The following PKIB variants were observed in gnomAD, a reference collection of about 807,000 sequenced individuals.
PKIB encodes PKI-beta.
Under a neutral mutation model 4.5 loss-of-function variants are expected in PKIB, and 2 were observed. That is an observed-to-expected ratio of 0.44 (90% CI 0.18 to 1.39). PKIB has a LOEUF of 1.39. Ranked by LOEUF, PKIB falls within the 40% of genes most tolerant of loss-of-function variation. PKIB has a pLI of 0.27. For missense variants in PKIB, 94 were observed against 92.6 expected, an observed-to-expected ratio of 1.02 and a Z score of -0.06; for synonymous variants, 38 against 36.0, an observed-to-expected ratio of 1.06 and a Z score of -0.20.
At chr6:122,647,319 T>G (rs972057659) in intron 2 of PKIB, among the ~76,000 whole-genome samples, 3 of 152,216 alleles carry the variant, frequency 2.0e-5, no homozygotes, top group Admixed American at 6.5e-5. Context: ...ATTAGTCACA[T>G]TTATAAAATT....
intron 3 of PKIB, among the ~76,000 whole-genome samples, chr6:122,591,014 C>T (rs1256279524): frequency 1.3e-5 from 2 of 151,178 alleles, no homozygotes; most frequent in Non-Finnish European, 2.9e-5. Flanking sequence ...CGAGTTTTGC[C>T]TTTTTTTAAA....
chr6:122,566,166 T>G (rs547012764), intron 2 of PKIB, among the ~76,000 whole-genome samples: 1 of 152,240 alleles, frequency 6.6e-6, no homozygotes, highest in South Asian at 2.1e-4. Flanking sequence ...TGGGTCACCC[T>G]TGAAGATGAG....
intron 2 of PKIB, among the ~76,000 whole-genome samples, chr6:122,530,898 A>G (rs1777236194): frequency 1.3e-5 from 2 of 152,168 alleles, no homozygotes; most frequent in Admixed American, 1.3e-4. Flanking sequence ...AAATGCTGCA[A>G]ATTTCCTTAC....
chr6:122,622,414 T>C (rs1314364352), intron 1 of PKIB, among the ~76,000 whole-genome samples: 1 of 152,166 alleles, frequency 6.6e-6, no homozygotes. Context: ...AAATGAAGGA[T>C]ACATTCAAGG....
chr6:122,515,894 T>G (rs1489232333), intron 2 of PKIB, among the ~76,000 whole-genome samples: 1 of 152,142 alleles, frequency 6.6e-6, no homozygotes, highest in Non-Finnish European at 1.5e-5. Flanking sequence ...TTTTGTATTT[T>G]GGTAGAGACA....
At chr6:122,623,407 T>C (rs1775315111) in intron 1 of PKIB, among the ~76,000 whole-genome samples, 1 of 152,214 alleles carries the variant, frequency 6.6e-6, no homozygotes, top group African/African-American at 2.4e-5. Context: ...CATCAGTATG[T>C]TGAAGTAATG....
intron 3 of PKIB, among the ~76,000 whole-genome samples, chr6:122,592,408 A>G (rs1774044799): frequency 6.6e-6 from 1 of 152,200 alleles, no homozygotes; most frequent in Non-Finnish European, 1.5e-5. Context: ...ATCTTAAGTT[A>G]GGGTTTGAGT....
Position 122,583,337 on chromosome 6 carries a change from T to C in PKIB, c.-247-2584T>C, listed in dbSNP as rs193192833. ...TGCCCAAGCATTTCTAGGGAAGGAC[T>C]TATACATTCTTAATAGCAATTTTAA... On this transcript the variant is annotated intron_variant, in intron 2 of 6. Coordinates refer to the PKIB transcript ENST00000392491. Among the ~76,000 whole-genome samples, 49 of 152,210 alleles carry C rather than the reference T, an allele frequency of 3.2e-4. No individual in the cohort carries two copies. In the East Asian group the frequency reaches 8.5e-3, roughly 26 times the overall value.
At chr6:122,698,763 A>C (rs916406786) in intron 3 of PKIB, among the ~76,000 whole-genome samples, 3 of 152,182 alleles carry the variant, frequency 2.0e-5, no homozygotes, top group African/African-American at 7.2e-5. Context: ...AGTGAAATTA[A>C]AGAAAATTTG....
chr6:122,712,187 C>T lies in PKIB; in HGVS notation c.-8-5600C>T, dbSNP rs186887060. ...ATTTCCAAATAATAGGATTTGAGGT[C>T]AAGAAAGGTAACTAGAAAGATCAAA... On this transcript the variant is annotated intron_variant, in intron 3 of 4. Coordinates refer to ENST00000368452, the MANE Select transcript of PKIB (RefSeq NM_181795.3). 9.9e-5 allele frequency among the ~76,000 whole-genome samples: 15 copies of T among 152,190 alleles called. No homozygotes were observed. The East Asian group carries it at 2.9e-3, about 29-fold the overall frequency.
chr6:122,641,000 T>G (rs1030732287), intron 2 of PKIB, among the ~76,000 whole-genome samples: 4 of 152,130 alleles, frequency 2.6e-5, no homozygotes, highest in Non-Finnish European at 4.4e-5. Flanking sequence ...ATTTCCCACC[T>G]CCCAAAATTG....
chr6:122,501,655 C>G (rs915560318), intron 2 of PKIB, among the ~76,000 whole-genome samples: 1 of 152,158 alleles, frequency 6.6e-6, no homozygotes, highest in Non-Finnish European at 1.5e-5. Context: ...CTGAGTCTGG[C>G]CCATGAAACC....
chr6:122,598,148 G>T lies in PKIB; in HGVS notation c.-161+12141G>T, dbSNP rs1218427896. Among the ~76,000 whole-genome samples the T allele has an allele frequency of 2.6e-5, 4 of 152,192 alleles. No homozygotes were observed. The East Asian group carries it at 7.7e-4, about 29-fold the overall frequency. On this transcript the variant is annotated intron_variant, in intron 3 of 6. Transcript: ENST00000392491. Reference sequence around the variant, plus strand: ...ACCCAGCCTCCCCTTCACTCAAGGGGTTCTGGATCTGTAAACTGACTCAAG... The same window carrying T: ...ACCCAGCCTCCCCTTCACTCAAGGGTTTCTGGATCTGTAAACTGACTCAAG...
intron 2 of PKIB, among the ~76,000 whole-genome samples, chr6:122,530,706 T>C (rs1487284940): frequency 1.3e-5 from 2 of 152,146 alleles, no homozygotes; most frequent in Non-Finnish European, 2.9e-5. Flanking sequence ...TTTCAGCAGC[T>C]TCTAAACTCT....
intron 2 of PKIB, among the ~76,000 whole-genome samples, chr6:122,539,376 T>G (rs886628037): frequency 2.6e-5 from 4 of 151,976 alleles, no homozygotes; most frequent in Non-Finnish European, 5.9e-5. Flanking sequence ...AATTTATTGA[T>G]AGTTTTTAGC....
intron 2 of PKIB, among the ~76,000 whole-genome samples, chr6:122,665,828 C>G (rs1777201555): frequency 6.6e-6 from 1 of 152,138 alleles, no homozygotes; most frequent in East Asian, 1.9e-4. Flanking sequence ...AACCTGACAC[C>G]TCAGTAAAGG....
rs77685252 is a variant in PKIB, at chr6:122,512,665, G to A, written c.-248+34726G>A. On this transcript the variant is annotated intron_variant, in intron 2 of 6. Transcript: ENST00000392491. ...CCTACCACTGGCTTTGGTATCCTTC[G>A]AACACTGAGTCCAAGTCTCGGTTAT... Among the ~76,000 whole-genome samples, 339 of 152,100 alleles carry A rather than the reference G, an allele frequency of 2.2e-3. 7 individuals carry two copies. The East Asian group carries it at 0.043, about 19-fold the overall frequency.
intron 2 of PKIB, among the ~76,000 whole-genome samples, chr6:122,557,291 C>T (rs1262902489): frequency 6.6e-6 from 1 of 152,010 alleles, no homozygotes; most frequent in Non-Finnish European, 1.5e-5. Flanking sequence ...TGTTCATGGC[C>T]CATATTTCTG....
Position 122,617,359 on chromosome 6 carries a change from C to T in PKIB, c.-161+6824C>T, listed in dbSNP as rs117891478. On this transcript the variant is annotated intron_variant, in intron 1 of 4. Transcript: ENST00000368452. ...GGAAGTGAGGAATACTTTTCTGGCA[C>T]GGTAGATCTGGGTCAGCTCCCTGAG... is the stretch of plus-strand genomic sequence containing the variant. Among the ~76,000 whole-genome samples the T allele has an allele frequency of 1.6e-3, 251 of 152,268 alleles. 3 individuals are homozygous for T. The East Asian group carries it at 0.033, about 20-fold the overall frequency.
Sources: allele counts gnomAD v4.1 joint callset (sites outside exome capture counted in the v4.1 genomes callset), GRCh38; gene constraint gnomAD v4.1.1; transcripts MANE v1.5; gene names NCBI Gene and HGNC (gene_info 2026-07-23, HGNC 2026-07-21).